The following UBXN4 variants were observed in gnomAD, a reference collection of about 807,000 sequenced individuals.
The protein encoded by UBXN4 is UBX domain protein 4.
Under a neutral mutation model 66.2 loss-of-function variants are expected in UBXN4, and 35 were observed. The observed-to-expected ratio is 0.53, with a 90% CI of 0.40 to 0.70. The LOEUF (loss-of-function observed/expected upper bound fraction) is 0.70, where lower values mean the gene tolerates loss of function less well. UBXN4 is among the 30% of genes least tolerant of loss of function. UBXN4 has a pLI of 0.00. For missense variants in UBXN4, 533 were observed against 599.8 expected (o/e 0.89, Z 1.16); for synonymous variants, 203 against 204.5 (o/e 0.99, Z 0.06).
At chr2:135,774,839 T>C (rs958751685) in intron 9 of UBXN4, among the ~76,000 whole-genome samples, 18 of 148,636 alleles carry the variant, frequency 1.2e-4, no homozygotes, top group African/African-American at 4.5e-4. Flanking sequence ...AGTGGGACTC[T>C]GTCTCAAAAA....
chr2:135,742,881 TA>T (rs1553646698), intron 1 of UBXN4: 1 of 151,742 alleles, frequency 6.6e-6, no homozygotes, highest in Non-Finnish European at 1.5e-5. Flanking sequence ...GTTGTCTTCT[TA>T]GGCTAAAATC....
Position 135,753,572 on chromosome 2 carries a change from C to A in UBXN4, c.214+5C>A. On this transcript the variant is annotated splice_donor_5th_base_variant and intron_variant, in intron 3 of 12. Transcript: ENST00000272638. Reference sequence around the variant, plus strand: ...GCCTACAGTTTTCACAAATCTGTATCCTTTCAGTAAAGAATGGCTTATATA... The same window carrying A: ...GCCTACAGTTTTCACAAATCTGTATACTTTCAGTAAAGAATGGCTTATATA... 1.3e-6 allele frequency: 2 copies of A among 1,529,958 alleles called. No individual in the cohort carries two copies. Among genetic ancestry groups the A allele is most frequent in the Non-Finnish European group, 1.7e-6 (2 of 1,149,680 alleles). The allele number at this position is 1,529,958 out of a possible 1,614,324, so 94.8% of individuals were successfully genotyped here. A position where few individuals can be genotyped will look rare whatever the true frequency, so the allele number is the denominator to read the frequency against.
chr2:135,754,248 C>G lies in UBXN4; in HGVS notation c.304C>G (p.Leu102Val), dbSNP rs2077265483. The G allele has an allele frequency of 1.2e-6, 2 of 1,613,766 alleles. No homozygotes were observed. The highest frequency in any genetic ancestry group is 2.7e-5 in the African/African-American group (2 of 74,898). Residue 102 changes from leucine (L) to valine (V), a missense_variant, in exon 4 of 13, where the codon CTT becomes GTT. Around this residue, in one of 2 missense-constraint regions of UBXN4, gnomAD observed 529 missense variants for 580.1 expected, o/e 0.91. Transcript: ENST00000272638. ...AGCAGGAAGTGTTTCTGCAGATGAA[C>G]TTGTTACAAGAATTCACAAGGTCCG... ...VIAGSVSADE[L>V]VTRIHKVRQM...
At chr2:135,761,445 T>G (rs975376803) in intron 5 of UBXN4, among the ~76,000 whole-genome samples, 8 of 152,150 alleles carry the variant, frequency 5.3e-5, no homozygotes, top group African/African-American at 1.9e-4. Flanking sequence ...GTAACCTCAT[T>G]TTAGATGTTC....
intron 6 of UBXN4, among the ~76,000 whole-genome samples, chr2:135,768,109 G>A (rs2077358564): frequency 6.6e-6 from 1 of 152,136 alleles, no homozygotes; most frequent in African/African-American, 2.4e-5. Context: ...CCATGAAATT[G>A]AAAGTGTACA....
chr2:135,759,508 T>C (rs1575317859), intron 5 of UBXN4, among the ~76,000 whole-genome samples: 1 of 152,308 alleles, frequency 6.6e-6, no homozygotes, highest in East Asian at 1.9e-4. Flanking sequence ...TGCATCCCCA[T>C]GGAATTGTGT....
At chr2:135,750,643 G>A (rs2077235212) in intron 2 of UBXN4, among the ~76,000 whole-genome samples, 1 of 151,878 alleles carries the variant, frequency 6.6e-6, no homozygotes, top group South Asian at 2.1e-4. Flanking sequence ...ACTGAACTAT[G>A]TATTTACTGA....
At chr2:135,782,068 C>T (rs2077454213) in intron 12 of UBXN4, among the ~76,000 whole-genome samples, 1 of 152,040 alleles carries the variant, frequency 6.6e-6, no homozygotes, top group Non-Finnish European at 1.5e-5. Flanking sequence ...GAGGGGACAC[C>T]CTGTCTCAAA....
rs748683212 is a variant in UBXN4, at chr2:135,741,956, G to A, written c.27G>A (p.Pro9=). The A allele has an allele frequency of 1.9e-6, 3 of 1,613,158 alleles. No homozygotes were observed. The highest frequency in any genetic ancestry group is 2.5e-6 in the Non-Finnish European group (3 of 1,179,678). ...TGCTGTGGTTCCAGGGCGCCATTCC[G>A]GCCGCCATCGCGACGGCCAAAAGGA... MLWFQGAI[P]AAIATAKRSG... is the part of the protein sequence containing the mutation. Residue 9 remains proline (P), a synonymous_variant, in exon 1 of 13, where the codon CCG becomes CCA. Transcript: ENST00000272638.
In UBXN4 at chr2:135,770,666, G is replaced by A. The variant is rs1365109199; in HGVS notation, c.753G>A (p.Leu251=). The A allele has an allele frequency of 1.3e-6, 2 of 1,579,932 alleles. No homozygotes were observed. The highest frequency in any genetic ancestry group is 1.2e-5 in the South Asian group (1 of 84,066). ...AAGAAGAATTAACAAAAAGAATGCTGGAGGAAAGAAACAGAGAGAAAGCAG... is the reference window on the plus strand; with the variant it reads ...AAGAAGAATTAACAAAAAGAATGCTAGAGGAAAGAAACAGAGAGAAAGCAG... ...KQEEELTKRM[L]EERNREKAED... The change falls in exon 8 of 13, where the codon CTG becomes CTA. Residue 251 remains leucine, a synonymous_variant. Transcript: ENST00000272638.
intron 2 of UBXN4, among the ~76,000 whole-genome samples, chr2:135,751,715 G>A (rs891948042): frequency 1.3e-5 from 2 of 151,598 alleles, no homozygotes; most frequent in African/African-American, 2.4e-5. Flanking sequence ...TAGGAAATGC[G>A]TAAAAAGTTT....
Position 135,757,086 on chromosome 2 carries a change from A to G in UBXN4, c.508+1395A>G, listed in dbSNP as rs574978081. Among the ~76,000 whole-genome samples, 85 of 152,270 alleles carry G rather than the reference A, an allele frequency of 5.6e-4. 1 individual carries two copies. The highest frequency in any genetic ancestry group is 3.8e-3 in the Admixed American group (58 of 15,292). On this transcript the variant is annotated intron_variant, in intron 5 of 12. Coordinates refer to ENST00000272638, the MANE Select transcript of UBXN4 (RefSeq NM_014607.4). ...TTTGCCTAGTTTCTTACATCTGTAAATGTGTGACTTTCACCAAGTTTGGGA... is the reference window on the plus strand; with the variant it reads ...TTTGCCTAGTTTCTTACATCTGTAAGTGTGTGACTTTCACCAAGTTTGGGA...
At chr2:135,760,513 A>G (rs759692632) in intron 5 of UBXN4, among the ~76,000 whole-genome samples, 21 of 152,224 alleles carry the variant, frequency 1.4e-4, no homozygotes, top group Non-Finnish European at 2.5e-4. Context: ...GTGACATACA[A>G]TTGGAAATCT....
At position 135,761,804 on chromosome 2, in the gene UBXN4, A is replaced by C. The variant is rs776636703; in HGVS notation, c.509-14A>C. On this transcript the variant is annotated splice_polypyrimidine_tract_variant and intron_variant, in intron 5 of 12. Coordinates refer to ENST00000272638, the MANE Select transcript of UBXN4 (RefSeq NM_014607.4). ...AAATGCAGTATTCTTATTTCTTTTT[A>C]TTTAATAATTAAGGAGGAGAAAGTG... 6.3e-7 allele frequency: 1 copy of C among 1,582,214 alleles called. No homozygotes were observed. Among genetic ancestry groups the C allele is most frequent in the Admixed American group, 1.9e-5 (1 of 53,012 alleles).
chr2:135,776,448 TG>T lies in UBXN4; in HGVS notation c.1053+98del, dbSNP rs375409602. On this transcript the variant is annotated intron_variant, in intron 10 of 12. Coordinates refer to ENST00000272638, the MANE Select transcript of UBXN4 (RefSeq NM_014607.4). ...AAGCAGAAGTTGAATGTGAGTGAATTGTGACCTCTCCAGGAGGGAGGCACAA... is the reference window on the plus strand; with the variant it reads ...AAGCAGAAGTTGAATGTGAGTGAATTTGACCTCTCCAGGAGGGAGGCACAA... The T allele has an allele frequency of 1.7e-5, 18 of 1,051,350 alleles. No individual in the cohort carries two copies. In the East Asian group the frequency reaches 4.0e-4, roughly 24 times the overall value. The allele number at this position is 1,051,350 out of a possible 1,614,324, so 65.1% of individuals were successfully genotyped here.
rs1350867584 is a variant in UBXN4, at chr2:135,741,910, G to T, written c.-20G>T. ...TGCGGAGACTACACACCGAGCGAGC[G>T]CCTGGGCCCGAAGGGAGCGATGCTG... On this transcript the variant is annotated 5_prime_UTR_variant, in exon 1 of 13. Coordinates refer to ENST00000272638, the MANE Select transcript of UBXN4 (RefSeq NM_014607.4). The T allele has an allele frequency of 1.2e-6, 2 of 1,606,696 alleles. No homozygotes were observed. Among genetic ancestry groups the T allele is most frequent in the Admixed American group, 1.7e-5 (1 of 59,180 alleles).
chr2:135,753,162 T>G (rs1315800751), intron 2 of UBXN4, among the ~76,000 whole-genome samples: 1 of 151,820 alleles, frequency 6.6e-6, no homozygotes, highest in Non-Finnish European at 1.5e-5. Context: ...TAGCTGGGAT[T>G]ACAGGCACTT....
intron 7 of UBXN4, among the ~76,000 whole-genome samples, chr2:135,770,054 T>TC (rs1410739857): frequency 1.3e-5 from 2 of 151,412 alleles, no homozygotes; most frequent in African/African-American, 4.8e-5. Flanking sequence ...TCTGCAATGA[T>TC]TTTTTTTTAC....
intron 2 of UBXN4, among the ~76,000 whole-genome samples, chr2:135,750,255 T>TA (rs2077233504): frequency 6.6e-6 from 1 of 152,250 alleles, no homozygotes; most frequent in Admixed American, 6.5e-5. Context: ...GTTACAGGCA[T>TA]GCTTCACTGT....
Sources: allele counts gnomAD v4.1 joint callset (sites outside exome capture counted in the v4.1 genomes callset), GRCh38; gene constraint gnomAD v4.1.1; regional missense constraint gnomAD v4.1.1; transcripts MANE v1.5; gene names NCBI Gene and HGNC (gene_info 2026-07-23, HGNC 2026-07-21).